The following MAP4K3 variants were observed in gnomAD, a reference collection of about 807,000 sequenced individuals.
MAP4K3 encodes MAPK/ERK kinase kinase kinase 3.
Under a neutral mutation model 143.5 loss-of-function variants are expected in MAP4K3, and 94 were observed. The ratio of observed to expected loss-of-function variants is 0.65; its 90% CI spans 0.55 to 0.78. The LOEUF is 0.78. MAP4K3 is among the 30% of genes least tolerant of loss of function. The pLI is 0.00. For missense variants in MAP4K3, 1,077 were observed against 1,068.1 expected (o/e 1.01, Z -0.12); for synonymous variants, 416 against 347.2 (o/e 1.20, Z -2.20).
chr2:39,252,728 C>A (rs1043140450), intron 32 of MAP4K3, among the ~76,000 whole-genome samples: 3 of 152,304 alleles, frequency 2.0e-5, no homozygotes, highest in Non-Finnish European at 4.4e-5. Context: ...AAATTTATTC[C>A]ATCAATACCC....
intron 15 of MAP4K3, among the ~76,000 whole-genome samples, chr2:39,306,658 T>C (rs948876837): frequency 1.6e-4 from 25 of 152,238 alleles, no homozygotes; most frequent in African/African-American, 6.0e-4. Context: ...ATTAGTATGA[T>C]AATTTCAAAA....
chr2:39,280,888 CTGAT>C (rs1681490362), intron 22 of MAP4K3, among the ~76,000 whole-genome samples: 2 of 152,034 alleles, frequency 1.3e-5, no homozygotes, highest in Admixed American at 1.3e-4. Context: ...ATTAAGCAAT[CTGAT>C]TATTTCCCTG....
chr2:39,429,035 A>G (rs1232355610), intron 1 of MAP4K3, among the ~76,000 whole-genome samples: 2 of 128,586 alleles, frequency 1.6e-5, no homozygotes, highest in Non-Finnish European at 3.1e-5. Context: ...ACTGCACTCC[A>G]GCCTGGGCGA....
chr2:39,298,893 A>C (rs1339144426), intron 16 of MAP4K3, among the ~76,000 whole-genome samples: 1 of 145,166 alleles, frequency 6.9e-6, no homozygotes, highest in Non-Finnish European at 1.5e-5. Context: ...TGAACCCGGG[A>C]GGCGGAGGTT....
At chr2:39,373,843 G>A (rs544792718) in intron 2 of MAP4K3, among the ~76,000 whole-genome samples, 1 of 152,152 alleles carries the variant, frequency 6.6e-6, no homozygotes, top group Admixed American at 6.6e-5. Flanking sequence ...TGGTTAATTG[G>A]TACAAAAAAT....
chr2:39,349,829 T>C (rs1239951594), intron 3 of MAP4K3, among the ~76,000 whole-genome samples: 1 of 152,224 alleles, frequency 6.6e-6, no homozygotes, highest in Non-Finnish European at 1.5e-5. Context: ...TTTACCCAGA[T>C]TATTTTTTCA....
intron 24 of MAP4K3, among the ~76,000 whole-genome samples, chr2:39,276,810 T>C (rs1417511627): frequency 6.6e-6 from 1 of 152,190 alleles, no homozygotes. Context: ...CCCCACTCAT[T>C]GTGACACTCA....
chr2:39,302,593 G>GA (rs1157709104), intron 15 of MAP4K3, among the ~76,000 whole-genome samples: 1 of 152,180 alleles, frequency 6.6e-6, no homozygotes, highest in Non-Finnish European at 1.5e-5. Flanking sequence ...TTCCATATCA[G>GA]AAAAATGCTA....
intron 1 of MAP4K3, among the ~76,000 whole-genome samples, chr2:39,428,092 T>C (rs1412435479): frequency 1.5e-5 from 2 of 134,078 alleles, no homozygotes; most frequent in South Asian, 2.1e-4. Context: ...ACAGTATTTA[T>C]ATAGTTTTAT....
chr2:39,325,971 C>A lies in MAP4K3; in HGVS notation c.663-10G>T. 1.9e-6 allele frequency: 3 copies of A among 1,583,820 alleles called. No individual in the cohort carries two copies. Among genetic ancestry groups the A allele is most frequent in the South Asian group, 1.1e-5 (1 of 87,806 alleles). On this transcript the variant is annotated splice_polypyrimidine_tract_variant and intron_variant, in intron 9 of 33. Coordinates refer to ENST00000263881, the MANE Select transcript of MAP4K3 (RefSeq NM_003618.4). ...CATTAGAAATAATGCTCTGAAAAAT[C>A]AACAAATCATTACACAGCATTTTAA... is the stretch of plus-strand genomic sequence containing the variant.
chr2:39,291,725 A>G (rs1468922110), intron 18 of MAP4K3, among the ~76,000 whole-genome samples: 1 of 152,078 alleles, frequency 6.6e-6, no homozygotes, highest in Non-Finnish European at 1.5e-5. Flanking sequence ...ATCTCTACCA[A>G]AAAATAGAAA....
chr2:39,303,016 C>A (rs547012320), intron 15 of MAP4K3: 1 of 166,816 alleles, frequency 6.0e-6, no homozygotes, highest in Non-Finnish European at 1.5e-5. Flanking sequence ...AAGCATATGA[C>A]CAAAAACATC....
At chr2:39,266,680 C>T (rs1248809230) in intron 27 of MAP4K3, among the ~76,000 whole-genome samples, 2 of 152,020 alleles carry the variant, frequency 1.3e-5, no homozygotes, top group African/African-American at 4.8e-5. Flanking sequence ...GTTTATCGTC[C>T]CTTTTATAAT....
In MAP4K3 at chr2:39,299,786, A is replaced by G; in HGVS notation, c.1135T>C (p.Tyr379His). The G allele has an allele frequency of 6.3e-7, 1 of 1,575,328 alleles. No homozygotes were observed. Among genetic ancestry groups the G allele is most frequent in the Non-Finnish European group, 8.6e-7 (1 of 1,161,730 alleles). Residue 379 changes from tyrosine (Y) to histidine (H), a missense_variant, in exon 16 of 34, where the codon TAT becomes CAT. Tyr to His is a moderately conservative substitution (Grantham distance 83, BLOSUM62 2). Coordinates refer to ENST00000263881, the MANE Select transcript of MAP4K3 (RefSeq NM_003618.4). The part of the protein sequence containing the change: ...ARSNLDLQLE[Y>H]GQGHQGGYFL... ...TAACCACCTTGGTGTCCTTGTCCATATTCCAGTTGCAGATCCTAATAGTAC... is the reference window on the plus strand; with the variant it reads ...TAACCACCTTGGTGTCCTTGTCCATGTTCCAGTTGCAGATCCTAATAGTAC...
At chr2:39,358,302 T>A (rs781085983) in intron 2 of MAP4K3, among the ~76,000 whole-genome samples, 5 of 152,224 alleles carry the variant, frequency 3.3e-5, no homozygotes, top group Non-Finnish European at 7.3e-5. Flanking sequence ...TAGCATTATG[T>A]CTTCATCATC....
chr2:39,401,580 G>C (rs575041820), intron 1 of MAP4K3, among the ~76,000 whole-genome samples: 2 of 152,036 alleles, frequency 1.3e-5, no homozygotes, highest in Non-Finnish European at 2.9e-5. Flanking sequence ...CAAGTGGAGC[G>C]CTTGAGCTGA....
chr2:39,431,334 G>C (rs1344958165), intron 1 of MAP4K3, among the ~76,000 whole-genome samples: 1 of 152,164 alleles, frequency 6.6e-6, no homozygotes, highest in African/African-American at 2.4e-5. Context: ...AATGCCTAAG[G>C]AAGTCTCAGA....
chr2:39,328,246 G>T (rs1223157560), intron 8 of MAP4K3, among the ~76,000 whole-genome samples: 6 of 152,154 alleles, frequency 3.9e-5, no homozygotes. Context: ...TGGGACGATC[G>T]CTTGAGCCTG....
chr2:39,362,861 G>A (rs1040490823), intron 2 of MAP4K3, among the ~76,000 whole-genome samples: 9 of 152,040 alleles, frequency 5.9e-5, no homozygotes, highest in Admixed American at 2.0e-4. Flanking sequence ...ATAGACCAAC[G>A]GAATAGAGAA....
Sources: gnomAD v4.1 joint callset for allele counts (sites outside exome capture counted in the v4.1 genomes callset) on GRCh38, gnomAD v4.1.1 for gene constraint, MANE v1.5 for transcripts, NCBI Gene and HGNC (gene_info 2026-07-23, HGNC 2026-07-21) for gene names.